YJU2B: variants seen among roughly 807,000 people sequenced by gnomAD.
YJU2B encodes the protein probable splicing factor YJU2B.
A neutral mutation model predicts 38.0 loss-of-function variants in YJU2B; 18 were observed. The ratio of observed to expected loss-of-function variants is 0.47; its 90% confidence interval spans 0.33 to 0.70. The LOEUF is 0.70. Among genes scored for constraint, YJU2B ranks in the 30% least tolerant of loss-of-function variants. The pLI is 0.02. For synonymous variants in YJU2B, 246 were observed against 225.4 expected (o/e 1.09, Z -0.82); for missense variants, 538 against 556.3 (o/e 0.97, Z 0.33).
chr19:13,759,993 T>C (rs1178457715), intron 8 of YJU2B, among the ~76,000 whole-genome samples: 2 of 152,112 alleles, frequency 1.3e-5, no homozygotes, highest in Non-Finnish European at 2.9e-5. Context: ...GGTTTCTCCA[T>C]GTTGGTCAGG....
intron 1 of YJU2B, among the ~76,000 whole-genome samples, chr19:13,750,416 G>C (rs956684046): frequency 2.0e-5 from 3 of 152,020 alleles, no homozygotes; most frequent in Admixed American, 2.0e-4. Context: ...TAGTAGAGAT[G>C]GGGTTTCACC....
rs1489036173 is a variant in YJU2B, at chr19:13,756,498, A to G, written c.140+219A>G. ...AAAATATCTCTGCTGGGCTTGGAAG[A>G]GCTTGGCTGGGCTGGGCTAGGCTGG... On this transcript the variant is annotated intron_variant, in intron 4 of 9. Transcript: ENST00000221554. Among the ~76,000 whole-genome samples, 15 of 152,140 alleles carry G rather than the reference A, an allele frequency of 9.9e-5. 1 individual carries two copies. Among genetic ancestry groups the G allele is most frequent in the Non-Finnish European group, 2.2e-4 (15 of 68,024 alleles).
At chr19:13,744,992 C>CAA (rs35908579), upstream of YJU2B, among the ~76,000 whole-genome samples, 2 of 130,320 alleles carry the variant, frequency 1.5e-5, no homozygotes, top group Admixed American at 7.8e-5. Context: ...GACTCCGTCT[C>CAA]AAAAAAAAAA....
chr19:13,747,346 CTATT>C (rs1973279988), upstream of YJU2B, among the ~76,000 whole-genome samples: 1 of 152,166 alleles, frequency 6.6e-6, no homozygotes, highest in Admixed American at 6.6e-5. Context: ...CCCCACCTAA[CTATT>C]TAAAAATGCA....
At chr19:13,752,835 C>T (rs1340591206) in intron 2 of YJU2B, among the ~76,000 whole-genome samples, 4 of 151,934 alleles carry the variant, frequency 2.6e-5, no homozygotes, top group Admixed American at 6.6e-5. Flanking sequence ...ATTGCTTGAA[C>T]TCAGGAGGCA....
At chr19:13,732,425 T>C (rs1361924899) in intron 2 of YJU2B, 1 of 151,946 alleles carries the variant, frequency 6.6e-6, no homozygotes, top group Non-Finnish European at 1.5e-5. Context: ...GTGATGGCGA[T>C]AGTGTTGGAC....
At chr19:13,754,226 G>A in intron 2 of YJU2B, 63 bp from the exon 3 acceptor site, 1 of 1,360,304 alleles carries the variant, frequency 7.4e-7, no homozygotes, top group South Asian at 1.2e-5. Context: ...ATGAGATTTG[G>A]GTAGGGACAC....
At chr19:13,749,263 C>T (rs975295932) in intron 1 of YJU2B, among the ~76,000 whole-genome samples, 2 of 152,222 alleles carry the variant, frequency 1.3e-5, no homozygotes, top group African/African-American at 4.8e-5. Flanking sequence ...CTCAGCCTCC[C>T]AAAGTGCTGG....
chr19:13,762,904 AC>A lies in YJU2B; in HGVS notation c.1032del (p.Lys345SerfsTer64), dbSNP rs1224029377. 5.6e-6 allele frequency: 9 copies of A among 1,610,616 alleles called. No individual in the cohort carries two copies. Among genetic ancestry groups the A allele is most frequent in the African/African-American group, 5.4e-5 (4 of 74,550 alleles). On this transcript the variant is annotated frameshift_variant, in exon 10 of 10. Transcript: ENST00000221554. LOFTEE classifies it low-confidence loss of function (END_TRUNC). ...AGACTGTCCTCCGGAAACAACTGAGACCCCCAAGTGCAGCAGCCCGAGGGGG... is the reference window on the plus strand; with the variant it reads ...AGACTGTCCTCCGGAAACAACTGAGACCCCAAGTGCAGCAGCCCGAGGGGG... ...PGDCPPETTETPKCSSPRGQE... is the reference protein window; with the variant it reads ...PGDCPPETTEXPKCSSPRGQE...
chr19:13,756,667 G>C (rs2145152073), intron 4 of YJU2B, among the ~76,000 whole-genome samples: 1 of 152,150 alleles, frequency 6.6e-6, no homozygotes, highest in South Asian at 2.1e-4. Context: ...TGATCACATA[G>C]GACTCTCAAA....
intron 1 of YJU2B, among the ~76,000 whole-genome samples, chr19:13,748,621 T>A (rs894768867): frequency 6.6e-6 from 1 of 152,164 alleles, no homozygotes; most frequent in Non-Finnish European, 1.5e-5. Context: ...CTTTGCAGGC[T>A]CTTCCCGTGG....
intron 2 of YJU2B, 33 bp downstream of exon 2, chr19:13,751,844 T>C: frequency 6.2e-7 from 1 of 1,612,384 alleles, no homozygotes; most frequent in Non-Finnish European, 8.5e-7. Flanking sequence ...CCTGGGTTTC[T>C]CTCCCAGTCT....
At chr19:13,760,116 G>A (rs1414454437) in intron 8 of YJU2B, among the ~76,000 whole-genome samples, 4 of 151,816 alleles carry the variant, frequency 2.6e-5, no homozygotes, top group African/African-American at 9.7e-5. Flanking sequence ...TAGTAGAGGC[G>A]GGGTTTCACC....
intron 2 of YJU2B, among the ~76,000 whole-genome samples, chr19:13,740,291 A>C (rs1973058560): frequency 6.6e-6 from 1 of 151,916 alleles, no homozygotes. Flanking sequence ...GGCTCACTGC[A>C]GCCTCCACCT....
At chr19:13,737,154 G>A (rs1972971826) in intron 2 of YJU2B, among the ~76,000 whole-genome samples, 2 of 151,906 alleles carry the variant, frequency 1.3e-5, no homozygotes, top group South Asian at 2.1e-4. Context: ...CAGTCTCCAC[G>A]CTATCTGTGA....
intron 1 of YJU2B, 115 bp from the exon 2 acceptor site, chr19:13,751,493 G>A (rs536377335): frequency 1.6e-5 from 6 of 378,784 alleles, no homozygotes; most frequent in Middle Eastern, 7.1e-4. Context: ...GACCGTGCTG[G>A]CCCACGTGAG....
intron 2 of YJU2B, 78 bp downstream of exon 2, chr19:13,751,889 C>A: frequency 1.5e-6 from 2 of 1,373,782 alleles, no homozygotes; most frequent in Non-Finnish European, 2.1e-6. Context: ...TCCTCCCCTC[C>A]CAGAGCTCTA....
chr19:13,748,958 C>T (rs915464996), intron 1 of YJU2B, among the ~76,000 whole-genome samples: 4 of 151,976 alleles, frequency 2.6e-5, no homozygotes, highest in African/African-American at 9.7e-5. Context: ...GCCTCACCAC[C>T]TCACTACACC....
chr19:13,756,568 G>A (rs1171310491), intron 4 of YJU2B, among the ~76,000 whole-genome samples: 1 of 152,172 alleles, frequency 6.6e-6, no homozygotes, highest in Non-Finnish European at 1.5e-5. Context: ...TTGGCTGGCT[G>A]GGGACTGGCT....
Sources: allele counts gnomAD v4.1 joint callset (sites outside exome capture counted in the v4.1 genomes callset), GRCh38; gene constraint gnomAD v4.1.1; transcripts MANE v1.5; gene names NCBI Gene and HGNC (gene_info 2026-07-23, HGNC 2026-07-21).